JMJD1C: variants seen among roughly 807,000 people sequenced by gnomAD.
JMJD1C encodes the protein jumonji domain containing 1C.
Under a neutral mutation model 245.3 loss-of-function variants are expected in JMJD1C, and 31 were observed. That is an observed-to-expected ratio of 0.13 (90% CI 0.09 to 0.17). The LOEUF is 0.17. Ranked by LOEUF, JMJD1C falls within the 10% of genes least tolerant of loss-of-function variation. The pLI is 1.00. For missense variants in JMJD1C, 2,691 were observed against 3,000.2 expected, an observed-to-expected ratio of 0.90 and a Z score of 2.41; for synonymous variants, 1,057 against 1,017.4, an observed-to-expected ratio of 1.04 and a Z score of -0.74.
At chr10:63,331,781 C>A (rs779313009) in intron 2 of JMJD1C, among the ~76,000 whole-genome samples, 1 of 152,140 alleles carries the variant, frequency 6.6e-6, no homozygotes, top group Non-Finnish European at 1.5e-5. Flanking sequence ...CCACGCCCAA[C>A]TAATTTTTCT....
chr10:63,259,192 T>C (rs1015990059), intron 3 of JMJD1C, among the ~76,000 whole-genome samples: 8 of 152,236 alleles, frequency 5.3e-5, no homozygotes, highest in African/African-American at 1.4e-4. Flanking sequence ...AATCTGCTTA[T>C]AAACAAACCT....
chr10:63,506,528 C>G (rs1036445504), intron 1 of JMJD1C, among the ~76,000 whole-genome samples: 1 of 152,202 alleles, frequency 6.6e-6, no homozygotes, highest in Non-Finnish European at 1.5e-5. Flanking sequence ...TCCTGGCCAC[C>G]TGGAAAAGCC....
chr10:63,521,310 T>TGGCCGGCTAG (rs1955222181), intron 1 of JMJD1C: 2 of 86 alleles, frequency 0.023, no homozygotes, highest in African/African-American at 0.2. Context: ...AGGGGCGGGG[T>TGGCCGGCTAG]GCTGTCCGGA....
At chr10:63,411,860 C>A (rs1440860549) in intron 1 of JMJD1C, among the ~76,000 whole-genome samples, 1 of 151,820 alleles carries the variant, frequency 6.6e-6, no homozygotes, top group African/African-American at 2.4e-5. Flanking sequence ...ACCTTGGCCT[C>A]CCAAAGTGCT....
intron 2 of JMJD1C, chr10:63,268,933 G>A (rs1008540580): frequency 7.1e-6 from 7 of 985,744 alleles, no homozygotes; most frequent in Non-Finnish European, 8.4e-6. Context: ...AGCAAATGAC[G>A]ATTTTCTGTC....
chr10:63,200,853 C>A (rs1845930343), intron 10 of JMJD1C, among the ~76,000 whole-genome samples, 176 bp from the exon 11 acceptor site: 1 of 152,216 alleles, frequency 6.6e-6, no homozygotes, highest in South Asian at 2.1e-4. Flanking sequence ...AGCAGCGTTT[C>A]TATTTACTTA....
At chr10:63,409,093 CT>C (rs1949341385) in intron 1 of JMJD1C, among the ~76,000 whole-genome samples, 1 of 152,118 alleles carries the variant, frequency 6.6e-6, no homozygotes, top group African/African-American at 2.4e-5. Flanking sequence ...AGAAATAAAA[CT>C]TTTAAATGTT....
intron 2 of JMJD1C, among the ~76,000 whole-genome samples, chr10:63,300,711 G>C (rs1195103369): frequency 1.3e-4 from 20 of 152,080 alleles, no homozygotes; most frequent in Admixed American, 1.3e-3. Flanking sequence ...GGCCAGCATG[G>C]TGAAACATTG....
At chr10:63,342,982 T>C (rs1450497643) in intron 2 of JMJD1C, among the ~76,000 whole-genome samples, 2 of 151,978 alleles carry the variant, frequency 1.3e-5, no homozygotes, top group Non-Finnish European at 2.9e-5. Context: ...TATATGAAAA[T>C]ATTCTAAAAC....
chr10:63,293,789 A>AT (rs11408050), intron 2 of JMJD1C, among the ~76,000 whole-genome samples: 99,987 of 150,774 alleles, frequency 0.66, 35,689 homozygotes, highest in Non-Finnish European at 0.81. Context: ...TATTTCTCTA[A>AT]TTTTTTTTTT....
At chr10:63,441,306 G>C (rs1021349986) in intron 1 of JMJD1C, among the ~76,000 whole-genome samples, 1 of 152,086 alleles carries the variant, frequency 6.6e-6, no homozygotes, top group African/African-American at 2.4e-5. Context: ...AGTGGACTCT[G>C]GAGTCATAGG....
intron 1 of JMJD1C, among the ~76,000 whole-genome samples, chr10:63,416,688 A>G (rs992641210): frequency 1.8e-4 from 28 of 152,220 alleles, no homozygotes; most frequent in Non-Finnish European, 4.4e-5. Flanking sequence ...ACTATTTTAC[A>G]TAAGTAATGA....
chr10:63,441,779 T>C (rs1180404697), intron 1 of JMJD1C, among the ~76,000 whole-genome samples: 1 of 152,204 alleles, frequency 6.6e-6, no homozygotes, highest in Non-Finnish European at 1.5e-5. Flanking sequence ...CCTCTTCCTT[T>C]GTTTTTATTC....
chr10:63,455,052 C>T (rs776465675), intron 1 of JMJD1C, among the ~76,000 whole-genome samples: 14 of 152,108 alleles, frequency 9.2e-5, no homozygotes, highest in Non-Finnish European at 1.6e-4. Context: ...AATAAGACTA[C>T]GTGCATCCGT....
At chr10:63,203,283 T>C (rs1191265395) in intron 10 of JMJD1C, 4 of 979,570 alleles carry the variant, frequency 4.1e-6, no homozygotes, top group Non-Finnish European at 4.8e-6. Context: ...ACTGGCAATA[T>C]ATAAAACCTA....
At chr10:63,223,822 C>G (rs764639871) in intron 3 of JMJD1C, among the ~76,000 whole-genome samples, 2 of 152,146 alleles carry the variant, frequency 1.3e-5, no homozygotes, top group East Asian at 3.9e-4. Context: ...GGTGCAATCT[C>G]GGTTCACTGC....
At chr10:63,346,265 T>C (rs1943809109) in intron 2 of JMJD1C, among the ~76,000 whole-genome samples, 4 of 152,146 alleles carry the variant, frequency 2.6e-5, no homozygotes, top group Non-Finnish European at 1.5e-5. Flanking sequence ...GAGATTTCTC[T>C]GAGTAGCTGA....
Position 63,207,686 on chromosome 10 carries a change from C to T in JMJD1C, c.3983G>A (p.Arg1328His), listed in dbSNP as rs1470580755. 7 of 1,614,086 alleles carry T rather than the reference C, an allele frequency of 4.3e-6. No individual in the cohort carries two copies. The highest frequency in any genetic ancestry group is 5.1e-6 in the Non-Finnish European group (6 of 1,179,990). The change falls in exon 10 of 26, where the codon CGT becomes CAT. Residue 1328 changes from arginine (R) to histidine (H), a missense_variant. This residue lies in a region of JMJD1C where 1,562 missense variants were observed against 1,490.7 expected (regional missense o/e 1.05). Transcript: ENST00000399262. ...CCCAGCTGAAGATCTTTCACTAACA[C>T]GATCTTTAGAAGCTAACTGCATTGC... ...MPAMQLASKDRVSERSSAGAH... is the reference protein window; with the variant it reads ...MPAMQLASKDHVSERSSAGAH...
At chr10:63,284,857 TCACACACACACA>T (rs57860875) in intron 2 of JMJD1C, among the ~76,000 whole-genome samples, 5,687 of 135,408 alleles carry the variant, frequency 0.042, 263 homozygotes, top group African/African-American at 0.12. Flanking sequence ...CAGGGAAGAT[TCACACACACACA>T]CACACACACA....
Sources: gnomAD v4.1 joint callset for allele counts (sites outside exome capture counted in the v4.1 genomes callset) on GRCh38, gnomAD v4.1.1 for gene constraint, gnomAD v4.1.1 regional missense constraint, MANE v1.5 for transcripts, NCBI Gene and HGNC (gene_info 2026-07-23, HGNC 2026-07-21) for gene names.